Variants in TTLL10 observed in about 807,000 individuals in gnomAD.
TTLL10 encodes the protein inactive polyglycylase TTLL10.
Under a neutral mutation model 69.0 loss-of-function variants are expected in TTLL10, and 61 were observed. The ratio of observed to expected loss-of-function variants is 0.88; its 90% CI spans 0.72 to 1.09. The LOEUF is 1.09. Among genes scored for constraint, TTLL10 ranks in the 50% least tolerant of loss-of-function variants. The pLI is 0.00. For synonymous variants in TTLL10, 408 were observed against 393.3 expected, an observed-to-expected ratio of 1.04 and a Z score of -0.44; for missense variants, 962 against 945.9, an observed-to-expected ratio of 1.02 and a Z score of -0.22.
intron 3 of TTLL10, chr1:1,176,048 G>GAGGCTGACGCTGTGCAGCT: frequency 6.7e-6 from 3 of 446,292 alleles, no homozygotes; most frequent in African/African-American, 6.3e-5. Flanking sequence ...CAGGTGGAGA[G>GAGGCTGACGCTGTGCAGCT]GCTGACGCTG....
Position 1,180,731 on chromosome 1 carries a change from G to A in TTLL10, c.626G>A (p.Gly209Glu), listed in dbSNP as rs1647031093. 6.2e-7 allele frequency: 1 copy of A among 1,604,670 alleles called. No individual in the cohort carries two copies. The highest frequency in any genetic ancestry group is 1.3e-5 in the African/African-American group (1 of 74,630). The change falls in exon 8 of 16, where the codon GGA (glycine) becomes GAA (glutamate). Residue 209 changes from glycine to glutamate, a missense_variant and splice_region_variant. Transcript: ENST00000379289. The stretch of plus-strand genomic sequence containing the variant: ...ACGAGCCCTGGCCTCTGACCTCCAG[G>A]AGAGCAGCTGCTGTACCAGCTTCCC... The part of the protein sequence containing the change: ...SRDSYGSFRE[G>E]EQLLYQLPNN...
rs1647167698 is a variant in TTLL10 at position 1,184,042 on chromosome 1, G to A, written c.1211G>A (p.Ser404Asn). Residue 404 changes from serine to asparagine, a missense_variant, in exon 12 of 16, where the codon AGC becomes AAC. Transcript: ENST00000379289. ...FGHGYARLTL[S>N]LYDPHSSDLG... ...CACGGCTATGCTCGCCTCACCCTTA[G>A]CCTTTACGACCCCCATTCCAGCGAC... is the stretch of plus-strand genomic sequence containing the variant. 3.7e-6 allele frequency: 6 copies of A among 1,614,100 alleles called. No individual in the cohort carries two copies. In the South Asian group the frequency reaches 6.6e-5, roughly 18 times the overall value.
Position 1,180,025 on chromosome 1 carries a change from C to T in TTLL10, c.200-9C>T, listed in dbSNP as rs200681528. On this transcript the variant is annotated splice_polypyrimidine_tract_variant and intron_variant, in intron 5 of 15. Coordinates refer to ENST00000379289, the MANE Select transcript of TTLL10 (RefSeq NM_001130045.2). ...TAGCCACCCCGGTGGGACCCCACCC[C>T]GTTCACAGGCCCGGCCCACGAGAGG... 1.2e-3 allele frequency: 1,880 copies of T among 1,518,858 alleles called. 10 individuals are homozygous for T. Among genetic ancestry groups the T allele is most frequent in the Middle Eastern group, 8.6e-3 (48 of 5,568 alleles). 94.1% of individuals were successfully genotyped at this position (1,518,858 alleles called of 1,614,324 possible).
chr1:1,181,909 A>T lies in TTLL10; in HGVS notation c.830+94A>T. On this transcript the variant is annotated intron_variant, in intron 9 of 15. Coordinates refer to ENST00000379289, the MANE Select transcript of TTLL10 (RefSeq NM_001130045.2). The surrounding 1 kb of genome is among the most constrained non-coding windows in gnomAD (Gnocchi z 4.6). ...AAGGAGAAAGCGGGGCGGGGGTCCC[A>T]CACAAAGGAAAACCACGAGCTAGAG... 1 of 1,239,468 alleles carries T rather than the reference A, an allele frequency of 8.1e-7. No homozygotes were observed. Among genetic ancestry groups the T allele is most frequent in the Non-Finnish European group, 1.1e-6 (1 of 876,856 alleles). 76.8% of individuals were successfully genotyped at this position (1,239,468 alleles called of 1,614,324 possible). A position where few individuals can be genotyped will look rare whatever the true frequency, so the allele number is the denominator to read the frequency against.
At position 1,197,743 on chromosome 1, in the gene TTLL10, C is replaced by T; in HGVS notation, c.1918C>T (p.Pro640Ser). 6.5e-7 allele frequency: 1 copy of T among 1,535,112 alleles called. No homozygotes were observed. The highest frequency in any genetic ancestry group is 8.7e-7 in the Non-Finnish European group (1 of 1,143,038). Reference sequence around the variant, plus strand: ...CGCCCACGATGGGGAGCCCCAGGCCCCGGGCACGGAGCAGTCGGGCACAGG... The same window carrying T: ...CGCCCACGATGGGGAGCCCCAGGCCTCGGGCACGGAGCAGTCGGGCACAGG... ...DSAHDGEPQA[P>S]GTEQSGTGNR... The change falls in exon 16 of 16, where the codon CCG becomes TCG. Residue 640 changes from proline (P) to serine (S), a missense_variant. Coordinates refer to ENST00000379289, the MANE Select transcript of TTLL10 (RefSeq NM_001130045.2).
chr1:1,192,951 G>A (rs61766176), intron 13 of TTLL10, among the ~76,000 whole-genome samples: 1 of 152,024 alleles, frequency 6.6e-6, no homozygotes, highest in East Asian at 1.9e-4. Flanking sequence ...AGTATCTTTT[G>A]TAGATGGTAT....
In TTLL10 at chr1:1,183,900, C is replaced by G. The variant is rs1570421457; in HGVS notation, c.1089-20C>G. 1 of 1,613,828 alleles carries G rather than the reference C, an allele frequency of 6.2e-7. No homozygotes were observed. Among genetic ancestry groups the G allele is most frequent in the African/African-American group, 1.3e-5 (1 of 75,046 alleles). ...CTGGCCCCGTGGCTCAGCCCAGCAG[C>G]CCCGACATGGTGCCCCCAGGTACAT... is the stretch of plus-strand genomic sequence containing the variant. On this transcript the variant is annotated intron_variant, in intron 11 of 15. Coordinates refer to ENST00000379289, the MANE Select transcript of TTLL10 (RefSeq NM_001130045.2).
intron 13 of TTLL10, among the ~76,000 whole-genome samples, chr1:1,192,086 T>G (rs953504390): frequency 1.2e-4 from 18 of 151,394 alleles, no homozygotes; most frequent in African/African-American, 4.1e-4. Flanking sequence ...GGCCAGATTT[T>G]GGGGGGGGGC....
intron 10 of TTLL10, 152 bp from the exon 11 acceptor site, chr1:1,182,724 G>A: frequency 5.1e-6 from 6 of 1,168,098 alleles, no homozygotes; most frequent in Non-Finnish European, 7.1e-6. Context: ...GCACGGGCAG[G>A]AGCTGGGGCC....
chr1:1,182,039 C>T (rs551383162), intron 9 of TTLL10, among the ~76,000 whole-genome samples: 26 of 152,264 alleles, frequency 1.7e-4, no homozygotes, highest in Non-Finnish European at 2.4e-4. Context: ...CCATCCCAGC[C>T]GTGAGGACAC....
intron 12 of TTLL10, 75 bp downstream of exon 12, chr1:1,184,166 G>GT (rs1647175930): frequency 4.0e-5 from 64 of 1,581,502 alleles, no homozygotes; most frequent in Non-Finnish European, 5.4e-5. Flanking sequence ...CTGCTAGGGG[G>GT]TGCAGAGGGG....
At chr1:1,190,550 C>A (rs1401579449) in intron 13 of TTLL10, among the ~76,000 whole-genome samples, 1 of 151,624 alleles carries the variant, frequency 6.6e-6, no homozygotes, top group African/African-American at 2.4e-5. Context: ...GCCTCAGCTT[C>A]CCGAGTAGCT....
intron 13 of TTLL10, among the ~76,000 whole-genome samples, chr1:1,195,033 A>G (rs1648099536): frequency 6.6e-6 from 1 of 152,100 alleles, no homozygotes; most frequent in African/African-American, 2.4e-5. Context: ...CTGTCACCCA[A>G]GATGGAGTGC....
intron 13 of TTLL10, among the ~76,000 whole-genome samples, chr1:1,194,690 G>GTA (rs1228179708): frequency 6.6e-6 from 1 of 152,158 alleles, no homozygotes; most frequent in Non-Finnish European, 1.5e-5. Context: ...TCATCTTTCT[G>GTA]TGGATGCCTC....
chr1:1,174,022 G>A (rs1248078866), intron 1 of TTLL10, 96 bp downstream of exon 1: 1 of 152,352 alleles, frequency 6.6e-6, no homozygotes, highest in Non-Finnish European at 1.5e-5. Context: ...CTGCTCAGGA[G>A]AGGAGGAGGC....
At chr1:1,177,638 G>T (rs549931026) in intron 3 of TTLL10, among the ~76,000 whole-genome samples, 1 of 152,316 alleles carries the variant, frequency 6.6e-6, no homozygotes. Context: ...CTTCACACTT[G>T]GGAGTCCCTC....
rs1310248075 is a variant in TTLL10, at chr1:1,180,747, C to T, written c.642C>T (p.Tyr214=). 5 of 1,607,734 alleles carry T rather than the reference C, an allele frequency of 3.1e-6. No individual in the cohort carries two copies. The highest frequency in any genetic ancestry group is 1.7e-6 in the Non-Finnish European group (2 of 1,177,614). The change falls in exon 8 of 16, where the codon TAC becomes TAT. Residue 214 remains tyrosine, a synonymous_variant. Transcript: ENST00000379289. The part of the protein sequence containing the change: ...GSFREGEQLL[Y]QLPNNKLLTT... ...GACCTCCAGGAGAGCAGCTGCTGTA[C>T]CAGCTTCCCAACAACAAGCTCCTCA... is the stretch of plus-strand genomic sequence containing the variant.
intron 8 of TTLL10, 140 bp downstream of exon 8, chr1:1,181,000 G>T: frequency 1.4e-6 from 1 of 691,890 alleles, no homozygotes; most frequent in African/African-American, 2.7e-5. Flanking sequence ...AGGCTCCCAG[G>T]CTGGCTCCAG....
At chr1:1,190,432 T>A (rs1490080276) in intron 13 of TTLL10, among the ~76,000 whole-genome samples, 1 of 107,026 alleles carries the variant, frequency 9.3e-6, no homozygotes, top group Non-Finnish European at 2.0e-5. Flanking sequence ...CTTTTACTAA[T>A]TTTTTTTTTT....
Sources: allele counts gnomAD v4.1 joint callset (sites outside exome capture counted in the v4.1 genomes callset), GRCh38; gene constraint gnomAD v4.1.1; non-coding constraint Gnocchi (gnomAD v3.1); transcripts MANE v1.5; gene names NCBI Gene and HGNC (gene_info 2026-07-23, HGNC 2026-07-21).